Variants in DNAH17 observed in about 807,000 individuals in gnomAD.
DNAH17 encodes axonemal beta dynein heavy chain 17.
DNAH17 carries 376 observed loss-of-function variants against 485.6 expected under a neutral mutation model. That is an observed-to-expected ratio of 0.77 (90% CI 0.71 to 0.84). The LOEUF (loss-of-function observed/expected upper bound fraction) is 0.84, where lower values mean the gene tolerates loss of function less well. DNAH17 is among the 40% of genes least tolerant of loss of function. The probability of loss-of-function intolerance (pLI) is 0.00; values close to 1 mark genes in which losing one functional copy is unlikely to be tolerated. For missense variants in DNAH17, 6,370 were observed against 5,839.3 expected (o/e 1.09, Z -2.96); for synonymous variants, 3,031 against 2,405.9 (o/e 1.26, Z -7.60).
Position 78,529,836 on chromosome 17 carries a change from T to TG in DNAH17, c.3285-143dup, listed in dbSNP as rs909607604. On this transcript the variant is annotated intron_variant, in intron 21 of 80. Coordinates refer to ENST00000389840, the MANE Select transcript of DNAH17 (RefSeq NM_173628.4). ...GCCCCAGGTGGGGAGGGAGCGCCCC[T>TG]GCCCACCTTGGATCCCTCCAGCTCA... 6.4e-6 allele frequency: 5 copies of TG among 779,302 alleles called. No homozygotes were observed. The African/African-American group carries it at 7.0e-5, about 11-fold the overall frequency. The allele number at this position is 779,302 out of a possible 1,614,324, so 48.3% of individuals were successfully genotyped here.
intron 62 of DNAH17, among the ~76,000 whole-genome samples, chr17:78,456,723 C>A (rs1218841085): frequency 1.3e-5 from 2 of 152,240 alleles, no homozygotes; most frequent in African/African-American, 2.4e-5. Context: ...GAGGGTCTGT[C>A]TGTGGCACCA....
intron 51 of DNAH17, among the ~76,000 whole-genome samples, chr17:78,477,053 T>C (rs692412): frequency 0.11 from 16,344 of 152,160 alleles, 1,109 homozygotes; most frequent in African/African-American, 0.19. Context: ...ACCGATGCCA[T>C]AGGGCAGGTC....
chr17:78,445,818 TAA>T (rs2087264631), intron 69 of DNAH17, 138 bp from the exon 70 acceptor site: 2 of 909,140 alleles, frequency 2.2e-6, no homozygotes, highest in African/African-American at 1.7e-5. Context: ...TGGTTTGGGG[TAA>T]AGTTTTGTCT....
chr17:78,450,701 G>T lies in DNAH17; in HGVS notation c.10880C>A (p.Ala3627Asp). ...VENLETTKHT[A>D]SEIEEKVVEA... Reference sequence around the variant, plus strand: ...TCTGACCTTCTCCTCGATCTCGCTGGCTGTGTGCTTGGTGGTCTCCAGATT... The same window carrying T: ...TCTGACCTTCTCCTCGATCTCGCTGTCTGTGTGCTTGGTGGTCTCCAGATT... The change falls in exon 67 of 81, where the codon GCC becomes GAC. Residue 3627 changes from alanine to aspartate, a missense_variant. Coordinates refer to ENST00000389840, the MANE Select transcript of DNAH17 (RefSeq NM_173628.4). 1 of 1,613,624 alleles carries T rather than the reference G, an allele frequency of 6.2e-7. No homozygotes were observed. Among genetic ancestry groups the T allele is most frequent in the Non-Finnish European group, 8.5e-7 (1 of 1,179,794 alleles).
rs79997929 is a variant in DNAH17, at chr17:78,490,508, G to A, written c.6818+191C>T. Among the ~76,000 whole-genome samples, 193 of 151,558 alleles carry A rather than the reference G, an allele frequency of 1.3e-3. 3 individuals are homozygous for A. Among genetic ancestry groups the A allele is most frequent in the African/African-American group, 4.5e-3 (186 of 41,118 alleles). On this transcript the variant is annotated intron_variant, in intron 44 of 80. Transcript: ENST00000389840. ...TCCGTTTGCTCAGCTGCCCTGCCTCGTGTCACTGTGAATTTACACCATTTA... is the reference window on the plus strand; with the variant it reads ...TCCGTTTGCTCAGCTGCCCTGCCTCATGTCACTGTGAATTTACACCATTTA...
intron 49 of DNAH17, 88 bp from the exon 50 acceptor site, chr17:78,479,720 G>A: frequency 7.7e-6 from 12 of 1,564,972 alleles, no homozygotes; most frequent in Non-Finnish European, 1.0e-5. Flanking sequence ...AGTGGCCCCT[G>A]TCCTCATGTT....
At position 78,450,894 on chromosome 17, in the gene DNAH17, C is replaced by T. The variant is rs377344546; in HGVS notation, c.10735-48G>A. On this transcript the variant is annotated intron_variant, in intron 66 of 80. Transcript: ENST00000389840. ...CACTGCATTGCCTGGCTCTGTCCACCGGGCACCCGGGCCTCCCTCAGGTGG... is the reference window on the plus strand; with the variant it reads ...CACTGCATTGCCTGGCTCTGTCCACTGGGCACCCGGGCCTCCCTCAGGTGG... 7.7e-4 allele frequency: 1,233 copies of T among 1,596,238 alleles called. 3 individuals carry two copies. The highest frequency in any genetic ancestry group is 4.1e-4 in the Non-Finnish European group (476 of 1,167,668).
rs2092334513 is a variant in DNAH17, at chr17:78,570,386, G to A, written c.919-14C>T. ...GAAGGTGGGGAGCTGGGGGGAGACA[G>A]GCCCAGGCACACTGGAGGGGACTGG... On this transcript the variant is annotated splice_polypyrimidine_tract_variant and intron_variant, in intron 6 of 80. Coordinates refer to ENST00000389840, the MANE Select transcript of DNAH17 (RefSeq NM_173628.4). 6.2e-7 allele frequency: 1 copy of A among 1,608,198 alleles called. No homozygotes were observed. Among genetic ancestry groups the A allele is most frequent in the African/African-American group, 1.3e-5 (1 of 74,972 alleles).
In DNAH17 at chr17:78,434,442, A is replaced by G. The variant is rs367797880; in HGVS notation, c.12034-222T>C. Among the ~76,000 whole-genome samples, 10 of 152,292 alleles carry G rather than the reference A, an allele frequency of 6.6e-5. 1 individual carries two copies. In the East Asian group the frequency reaches 7.7e-4, roughly 12 times the overall value. On this transcript the variant is annotated intron_variant, in intron 74 of 80. Transcript: ENST00000389840. ...TCTTCTTGTTCCTTTCAGAAATGCA[A>G]TTTTATCCCTTTTAAGTACTTAACT...
chr17:78,576,078 G>C (rs948628752), intron 1 of DNAH17, among the ~76,000 whole-genome samples: 1 of 152,178 alleles, frequency 6.6e-6, no homozygotes, highest in Non-Finnish European at 1.5e-5. Flanking sequence ...CTGGGGGTCC[G>C]TGGGCTGGGG....
At chr17:78,574,685 C>G (rs767768633) in intron 2 of DNAH17, 28 bp downstream of exon 2, 210 of 1,567,054 alleles carry the variant, frequency 1.3e-4, no homozygotes, top group African/African-American at 2.8e-4. Flanking sequence ...GTGCTCGACA[C>G]CCCGGATGGC....
chr17:78,565,316 T>C (rs949069427), intron 11 of DNAH17, among the ~76,000 whole-genome samples: 1 of 152,262 alleles, frequency 6.6e-6, no homozygotes, highest in South Asian at 2.1e-4. Context: ...GCTGTATTAA[T>C]TTGCATTCAT....
chr17:78,534,595 C>T (rs571897528), intron 19 of DNAH17, among the ~76,000 whole-genome samples: 1 of 152,312 alleles, frequency 6.6e-6, no homozygotes, highest in East Asian at 1.9e-4. Context: ...AGAGCACAGG[C>T]AGGTGCTTCT....
Position 78,485,727 on chromosome 17 carries a change from G to C in DNAH17, c.7306C>G (p.Arg2436Gly). ...ASLVHTTETIRIRYFMDLLME... is the reference protein window; with the variant it reads ...ASLVHTTETIGIRYFMDLLME... ...AGCAGGTCCATGAAGTAGCGGATGC[G>C]GATGGTTTCCGTGGTGTGGACCAAA... The change falls in exon 47 of 81, where the codon CGC becomes GGC. Residue 2436 changes from arginine to glycine, a missense_variant. Transcript: ENST00000389840. 6.2e-7 allele frequency: 1 copy of C among 1,613,994 alleles called. No individual in the cohort carries two copies. The highest frequency in any genetic ancestry group is 8.5e-7 in the Non-Finnish European group (1 of 1,179,902).
At chr17:78,457,191 T>C (rs971949206) in intron 62 of DNAH17, among the ~76,000 whole-genome samples, 1 of 152,152 alleles carries the variant, frequency 6.6e-6, no homozygotes, top group East Asian at 1.9e-4. Flanking sequence ...GCCAACATGG[T>C]GAAACCCTGT....
chr17:78,437,602 C>CGTGGG, intron 74 of DNAH17, 39 bp downstream of exon 74: 1 of 1,525,944 alleles, frequency 6.6e-7, no homozygotes, highest in Middle Eastern at 2.1e-4. Flanking sequence ...CAGGCCGTGG[C>CGTGGG]ATGGGATGGG....
chr17:78,574,681 G>C (rs748511851), intron 2 of DNAH17, 32 bp downstream of exon 2: 15 of 1,557,158 alleles, frequency 9.6e-6, no homozygotes, highest in Non-Finnish European at 1.2e-5. Flanking sequence ...GGTCGTGCTC[G>C]ACACCCCGGA....
At chr17:78,488,989 G>A (rs1382096990) in intron 44 of DNAH17, among the ~76,000 whole-genome samples, 5 of 152,122 alleles carry the variant, frequency 3.3e-5, no homozygotes, top group Non-Finnish European at 5.9e-5. Context: ...CTCCAGCACT[G>A]GGAGAGGATA....
intron 80 of DNAH17, 59 bp downstream of exon 80, chr17:78,425,282 ATCTTG>A (rs1306558735): frequency 1.2e-5 from 13 of 1,044,184 alleles, no homozygotes; most frequent in Non-Finnish European, 1.7e-5. Flanking sequence ...AGCTAGTTTT[ATCTTG>A]TCTTGGCAAG....
Sources: gnomAD v4.1 joint callset for allele counts (sites outside exome capture counted in the v4.1 genomes callset) on GRCh38, gnomAD v4.1.1 for gene constraint, MANE v1.5 for transcripts, NCBI Gene and HGNC (gene_info 2026-07-23, HGNC 2026-07-21) for gene names.